WWC2: variants seen among roughly 807,000 people sequenced by gnomAD.
WWC2 encodes the protein protein WWC2.
WWC2 carries 101 observed loss-of-function variants against 138.5 expected under a neutral mutation model. The ratio of observed to expected loss-of-function variants is 0.73; its 90% CI spans 0.62 to 0.86. The LOEUF (loss-of-function observed/expected upper bound fraction) is 0.86, where lower values mean the gene tolerates loss of function less well. Among genes scored for constraint, WWC2 ranks in the 40% least tolerant of loss-of-function variants. WWC2 has a pLI of 0.00. For missense variants in WWC2, 1,420 were observed against 1,419.4 expected, an observed-to-expected ratio of 1.00 and a Z score of -0.01; for synonymous variants, 558 against 538.4, an observed-to-expected ratio of 1.04 and a Z score of -0.50.
At chr4:183,311,829 G>A (rs183721876) in intron 21 of WWC2, among the ~76,000 whole-genome samples, 2,149 of 151,862 alleles carry the variant, frequency 0.014, 19 homozygotes, top group Non-Finnish European at 0.022. Context: ...CGCCTGCCTC[G>A]GCCTCCCAAA....
chr4:183,166,758 C>G (rs1734140505), intron 1 of WWC2, among the ~76,000 whole-genome samples: 1 of 152,134 alleles, frequency 6.6e-6, no homozygotes, highest in African/African-American at 2.4e-5. Context: ...GAATATATAA[C>G]TAGAAGGTAG....
chr4:183,291,402 A>T (rs141429785), intron 21 of WWC2, among the ~76,000 whole-genome samples: 96 of 152,342 alleles, frequency 6.3e-4, no homozygotes, highest in African/African-American at 2.2e-3. Flanking sequence ...ATTGAATTAC[A>T]AGCAGAAATG....
At position 183,279,292 on chromosome 4, in the gene WWC2, A is replaced by G. The variant is rs1737982455; in HGVS notation, c.2563-1484A>G. Among the ~76,000 whole-genome samples, 3 of 151,950 alleles carry G rather than the reference A, an allele frequency of 2.0e-5. No individual in the cohort carries two copies. The South Asian group carries it at 6.2e-4, about 32-fold the overall frequency. Reference sequence around the variant, plus strand: ...CTGTATTACATTTATTGATTTGCGTATATTGAACCAGCCTTGCATCCCAGG... The same window carrying G: ...CTGTATTACATTTATTGATTTGCGTGTATTGAACCAGCCTTGCATCCCAGG... On this transcript the variant is annotated intron_variant, in intron 16 of 22. Coordinates refer to ENST00000403733, the MANE Select transcript of WWC2 (RefSeq NM_024949.6).
chr4:183,277,188 A>G (rs1269674919), intron 16 of WWC2, among the ~76,000 whole-genome samples: 3 of 137,884 alleles, frequency 2.2e-5, no homozygotes, highest in African/African-American at 8.2e-5. Context: ...TGTCCGTGTG[A>G]TCTCATTGTT....
chr4:183,202,000 G>A (rs1336002310), intron 2 of WWC2, among the ~76,000 whole-genome samples: 2 of 152,202 alleles, frequency 1.3e-5, no homozygotes, highest in African/African-American at 4.8e-5. Flanking sequence ...TAGTGGGGAA[G>A]CGCTTGGGTT....
chr4:183,250,596 TCAA>T (rs760285023), intron 8 of WWC2, among the ~76,000 whole-genome samples: 5 of 152,030 alleles, frequency 3.3e-5, no homozygotes, highest in Non-Finnish European at 7.3e-5. Flanking sequence ...AACTTCCGTC[TCAA>T]CAACAACAAC....
intron 4 of WWC2, among the ~76,000 whole-genome samples, chr4:183,214,582 C>T (rs1735696413): frequency 6.6e-6 from 1 of 151,906 alleles, no homozygotes; most frequent in Admixed American, 6.6e-5. Flanking sequence ...CACCTGAGGT[C>T]GGGAGTTCGA....
intron 1 of WWC2, among the ~76,000 whole-genome samples, chr4:183,112,138 G>A (rs1162122362): frequency 6.6e-6 from 1 of 152,160 alleles, no homozygotes; most frequent in Non-Finnish European, 1.5e-5. Context: ...CAGTGCCCTG[G>A]TTTGCTATTG....
At chr4:183,184,939 G>T (rs1734746625) in intron 1 of WWC2, among the ~76,000 whole-genome samples, 1 of 152,176 alleles carries the variant, frequency 6.6e-6, no homozygotes, top group Admixed American at 6.5e-5. Context: ...TTTCATAACA[G>T]AGATACTTGT....
rs763250669 is a variant in WWC2 at position 183,312,366 on chromosome 4, A to C, written c.3410A>C (p.Lys1137Thr). The C allele has an allele frequency of 3.1e-6, 5 of 1,613,598 alleles. No individual in the cohort carries two copies. Residue 1137 changes from lysine (K) to threonine (T), a missense_variant, in exon 22 of 23, where the codon AAG becomes ACG. Lys to Thr is a moderately conservative substitution (Grantham distance 78). Transcript: ENST00000403733. ...GCTGAACAGTCCAAAGAAGAGCAGA[A>C]GCAAGGTCTGAATGCAGAGAAGTTG... Reference protein sequence around the residue: ...KQAEQSKEEQKQGLNAEKLMR... With the variant: ...KQAEQSKEEQTQGLNAEKLMR...
chr4:183,271,166 G>A lies in WWC2; in HGVS notation c.2487G>A (p.Met829Ile). The stretch of plus-strand genomic sequence containing the variant: ...ATAACTTGCTTCCTTCCAAGCAAAT[G>A]CCTTGCAAAAAGAATGAAGAAAATG... ...LWYNLLPSKQ[M>I]PCKKNEENED... is the part of the protein sequence containing the mutation. The change falls in exon 16 of 23, where the codon ATG becomes ATA. Residue 829 changes from methionine to isoleucine, a missense_variant. Physicochemically the swap from Met to Ile is conservative, Grantham distance 10. Transcript: ENST00000403733. The A allele has an allele frequency of 6.2e-7, 1 of 1,612,708 alleles. No homozygotes were observed. The highest frequency in any genetic ancestry group is 8.5e-7 in the Non-Finnish European group (1 of 1,179,392).
chr4:183,244,580 TATATAG>T lies in WWC2; in HGVS notation c.603-834_603-829del, dbSNP rs1027694936. Among the ~76,000 whole-genome samples the T allele has an allele frequency of 2.7e-5, 4 of 150,594 alleles. No homozygotes were observed. In the South Asian group the frequency reaches 6.3e-4, roughly 24 times the overall value. ...AAGCAGAATAAATATTATATATATA[TATATAG>T]AGAGAGAGAGAGAAATAAAAACTAA... On this transcript the variant is annotated intron_variant, in intron 5 of 22. Transcript: ENST00000403733.
rs375823615 is a variant in WWC2 at position 183,223,091 on chromosome 4, A to G, written c.522+14066A>G. On this transcript the variant is annotated intron_variant, in intron 4 of 22. Coordinates refer to ENST00000403733, the MANE Select transcript of WWC2 (RefSeq NM_024949.6). Reference sequence around the variant, plus strand: ...GCCATGTTTTTGCTATACCCTTTCTATCTTTTGATATGTTTAGATACACAA... The same window carrying G: ...GCCATGTTTTTGCTATACCCTTTCTGTCTTTTGATATGTTTAGATACACAA... Among the ~76,000 whole-genome samples, 34 of 152,316 alleles carry G rather than the reference A, an allele frequency of 2.2e-4. No individual in the cohort carries two copies. In the East Asian group the frequency reaches 4.6e-3, roughly 21 times the overall value.
chr4:183,263,593 A>G (rs561891436), intron 11 of WWC2, among the ~76,000 whole-genome samples: 1 of 152,334 alleles, frequency 6.6e-6, no homozygotes, highest in African/African-American at 2.4e-5. Context: ...TCTGAAAACA[A>G]GTGAAAGCGT....
chr4:183,204,392 G>A (rs979707068), intron 2 of WWC2, among the ~76,000 whole-genome samples: 1 of 152,092 alleles, frequency 6.6e-6, no homozygotes, highest in Non-Finnish European at 1.5e-5. Context: ...TTTTACAATC[G>A]AGAGACATGA....
rs910078387 is a variant in WWC2 at position 183,320,414 on chromosome 4, C to G, written c.*4685C>G. The G allele has an allele frequency of 1.8e-5, 11 of 621,904 alleles. No individual in the cohort carries two copies. The highest frequency in any genetic ancestry group is 2.3e-5 in the Non-Finnish European group (8 of 354,086). 38.5% of individuals were successfully genotyped at this position (621,904 alleles called of 1,614,324 possible). ...ACAAAAGGATAGGGAAATAATGCCG[C>G]CAACCAGTAATGCCAAGGTGTGGCC... On this transcript the variant is annotated 3_prime_UTR_variant, in exon 23 of 23. Transcript: ENST00000403733.
At chr4:183,202,725 CTA>C (rs1296922907) in intron 2 of WWC2, among the ~76,000 whole-genome samples, 1 of 152,184 alleles carries the variant, frequency 6.6e-6, no homozygotes, top group Non-Finnish European at 1.5e-5. Context: ...ACAGCTGACT[CTA>C]TCCCATTTTC....
chr4:183,122,954 G>C (rs936273612), intron 1 of WWC2, among the ~76,000 whole-genome samples: 1 of 152,206 alleles, frequency 6.6e-6, no homozygotes, highest in Non-Finnish European at 1.5e-5. Flanking sequence ...GAAATGCAGA[G>C]TTAAACTGCA....
At chr4:183,278,600 C>G (rs1489891053) in intron 16 of WWC2, among the ~76,000 whole-genome samples, 3 of 151,820 alleles carry the variant, frequency 2.0e-5, no homozygotes, top group African/African-American at 7.2e-5. Context: ...TTGATTCTTC[C>G]TACCCATGAG....
Sources: allele counts gnomAD v4.1 joint callset (sites outside exome capture counted in the v4.1 genomes callset), GRCh38; gene constraint gnomAD v4.1.1; transcripts MANE v1.5; gene names NCBI Gene and HGNC (gene_info 2026-07-23, HGNC 2026-07-21).